SH3TC2: variants seen among roughly 807,000 people sequenced by gnomAD.
SH3TC2 encodes the protein SH3 domain and tetratricopeptide repeat-containing protein 2.
Under a neutral mutation model 124.5 loss-of-function variants are expected in SH3TC2, and 87 were observed. That is an observed-to-expected ratio of 0.70 (90% CI 0.59 to 0.84). SH3TC2 has a LOEUF of 0.84. SH3TC2 is among the 40% of genes least tolerant of loss of function. The pLI is 0.00. For missense variants in SH3TC2, 1,536 were observed against 1,566.4 expected (o/e 0.98, Z 0.33); for synonymous variants, 634 against 628.5 (o/e 1.01, Z -0.13).
chr5:149,024,531 C>T (rs1172334156), intron 12 of SH3TC2, among the ~76,000 whole-genome samples: 1 of 152,224 alleles, frequency 6.6e-6, no homozygotes, highest in Non-Finnish European at 1.5e-5. Context: ...AATAGCATAG[C>T]TAGCTGGTCC....
chr5:149,006,929 A>T lies in SH3TC2; in HGVS notation c.3627T>A (p.Tyr1209Ter), dbSNP rs1248359114. 1.2e-6 allele frequency: 2 copies of T among 1,614,042 alleles called. No individual in the cohort carries two copies. Among genetic ancestry groups the T allele is most frequent in the Non-Finnish European group, 1.7e-6 (2 of 1,180,020 alleles). ...TGCCCAGGCGATAATACACCTTGGCATAGTACAGGGCCTCCTTGGGACTCT... is the reference window on the plus strand; with the variant it reads ...TGCCCAGGCGATAATACACCTTGGCTTAGTACAGGGCCTCCTTGGGACTCT... ...WLQSPKEALY[Y>*]AKVYYRLGRL... Residue 1209 changes from tyrosine to a stop codon, truncating the protein, a stop_gained, in exon 16 of 17, where the codon TAT becomes TAA. Transcript: ENST00000515425. LOFTEE classifies it high-confidence loss of function.
chr5:149,030,810 T>G (rs1009219883), intron 9 of SH3TC2, among the ~76,000 whole-genome samples: 2 of 152,202 alleles, frequency 1.3e-5, no homozygotes, highest in Non-Finnish European at 2.9e-5. Context: ...TCACCATCAA[T>G]GAAGAGATGG....
chr5:148,983,757 G>C lies in SH3TC2; in HGVS notation c.*20954C>G. Among the ~76,000 whole-genome samples, 1 of 152,152 alleles carries C rather than the reference G, an allele frequency of 6.6e-6. No individual in the cohort carries two copies. The highest frequency in any genetic ancestry group is 1.9e-4 in the East Asian group (1 of 5,190). ...GTCACAAATGGCCATCATGTCCAGA[G>C]CTTTTGTCCAAAGTGCTAGGGAATA... On this transcript the variant is annotated 3_prime_UTR_variant, in exon 17 of 17. Transcript: ENST00000515425.
In SH3TC2 at chr5:148,982,593, T is replaced by A. The variant is rs1048848058; in HGVS notation, c.*22118A>T. ...AATGAGGATACTGTTTGTAGAGTCA[T>A]ATGAAAGATTTTCCAAGATTTACAT... On this transcript the variant is annotated 3_prime_UTR_variant, in exon 17 of 17. Transcript: ENST00000515425. Among the ~76,000 whole-genome samples the A allele has an allele frequency of 1.3e-5, 2 of 152,184 alleles. No individual in the cohort carries two copies. The highest frequency in any genetic ancestry group is 1.5e-5 in the Non-Finnish European group (1 of 68,026).
chr5:149,038,042 T>C (rs913905173), intron 8 of SH3TC2, among the ~76,000 whole-genome samples: 2 of 152,206 alleles, frequency 1.3e-5, no homozygotes, highest in African/African-American at 4.8e-5. Context: ...CCTAACAGCA[T>C]GCCCTTTGTC....
intron 12 of SH3TC2, among the ~76,000 whole-genome samples, chr5:149,017,377 T>C (rs1219546929): frequency 6.6e-6 from 1 of 152,060 alleles, no homozygotes; most frequent in African/African-American, 2.4e-5. Context: ...CTGCAAACCT[T>C]TATCAAACTA....
In SH3TC2 at chr5:149,027,356, C is replaced by T. The variant is rs760821643; in HGVS notation, c.2376G>A (p.Glu792=). 6.2e-7 allele frequency: 1 copy of T among 1,614,004 alleles called. No individual in the cohort carries two copies. The highest frequency in any genetic ancestry group is 2.2e-5 in the East Asian group (1 of 44,882). Reference sequence around the variant, plus strand: ...AGAGAGAAGACTCAAAGGATTCCTGCTCACCCAGCAGCTGCCCTAGCACCA... The same window carrying T: ...AGAGAGAAGACTCAAAGGATTCCTGTTCACCCAGCAGCTGCCCTAGCACCA... ...QALVLGQLLG[E]QESFESSLCL... The change falls in exon 11 of 17, where the codon GAG becomes GAA. Residue 792 remains glutamate, a synonymous_variant. Coordinates refer to ENST00000515425, the MANE Select transcript of SH3TC2 (RefSeq NM_024577.4).
intron 7 of SH3TC2, among the ~76,000 whole-genome samples, chr5:149,039,076 A>G (rs1754328720): frequency 6.6e-6 from 1 of 152,216 alleles, no homozygotes; most frequent in African/African-American, 2.4e-5. Flanking sequence ...CCCTCAATAA[A>G]CATTAGCCTT....
intron 9 of SH3TC2, among the ~76,000 whole-genome samples, chr5:149,029,655 G>T (rs754887488): frequency 6.6e-6 from 1 of 152,034 alleles, no homozygotes; most frequent in South Asian, 2.1e-4. Flanking sequence ...GACTGAAAAG[G>T]CACAGTCAGA....
At position 149,047,928 on chromosome 5, in the gene SH3TC2, C is replaced by T. The variant is rs1754493688; in HGVS notation, c.213G>A (p.Gln71=). 6.2e-7 allele frequency: 1 copy of T among 1,614,170 alleles called. No individual in the cohort carries two copies. Among genetic ancestry groups the T allele is most frequent in the Non-Finnish European group, 8.5e-7 (1 of 1,180,022 alleles). The change falls in exon 3 of 17, where the codon CAG becomes CAA. Residue 71 remains glutamine (Q), a synonymous_variant. Transcript: ENST00000515425. ...CCCAGAGCCGCCTCCGAGCAGCTTCCTGTAGGGGTCCATTTACACACCTCC... is the reference window on the plus strand; with the variant it reads ...CCCAGAGCCGCCTCCGAGCAGCTTCTTGTAGGGGTCCATTTACACACCTCC... The part of the protein sequence containing the change: ...RSRRCVNGPL[Q]EAARRRLWAL...
Position 149,000,302 on chromosome 5 carries a change from A to T in SH3TC2, c.*4409T>A, listed in dbSNP as rs886060173. On this transcript the variant is annotated 3_prime_UTR_variant, in exon 17 of 17. Transcript: ENST00000515425. Reference sequence around the variant, plus strand: ...CTCAGTCCTCTTCCCTGCTTACTCCATTTCTCTGAGTGTGCAAGGAAAAAG... The same window carrying T: ...CTCAGTCCTCTTCCCTGCTTACTCCTTTTCTCTGAGTGTGCAAGGAAAAAG... 2.0e-5 allele frequency among the ~76,000 whole-genome samples: 3 copies of T among 151,960 alleles called. No individual in the cohort carries two copies. The highest frequency in any genetic ancestry group is 4.4e-5 in the Non-Finnish European group (3 of 68,004).
chr5:149,031,496 C>T, intron 9 of SH3TC2, 58 bp downstream of exon 9: 2 of 1,611,072 alleles, frequency 1.2e-6, no homozygotes, highest in Non-Finnish European at 1.7e-6. Context: ...TGGTTAGGGA[C>T]ACTATCTTAT....
intron 12 of SH3TC2, among the ~76,000 whole-genome samples, chr5:149,017,003 A>T (rs965800302): frequency 6.6e-6 from 1 of 152,184 alleles, no homozygotes; most frequent in South Asian, 2.1e-4. Flanking sequence ...CAAAGAATTA[A>T]TCATTATTTT....
intron 1 of SH3TC2, among the ~76,000 whole-genome samples, chr5:149,052,724 T>C (rs1320085359): frequency 3.9e-5 from 6 of 152,232 alleles, no homozygotes; most frequent in African/African-American, 1.4e-4. Flanking sequence ...AATAGGGTCC[T>C]GTCAGGCCTG....
chr5:149,050,861 T>TA (rs1390810033), intron 2 of SH3TC2, among the ~76,000 whole-genome samples: 3 of 152,234 alleles, frequency 2.0e-5, no homozygotes, highest in African/African-American at 7.2e-5. Context: ...GGGAGAGCTA[T>TA]ATTTTTGGAG....
intron 12 of SH3TC2, among the ~76,000 whole-genome samples, chr5:149,025,289 A>T (rs992424076): frequency 2.0e-5 from 3 of 152,170 alleles, no homozygotes; most frequent in Admixed American, 1.3e-4. Flanking sequence ...AAGACAGGGA[A>T]AGAATGAGGG....
At chr5:149,052,939 T>C (rs1206022728) in intron 1 of SH3TC2, among the ~76,000 whole-genome samples, 3 of 152,226 alleles carry the variant, frequency 2.0e-5, no homozygotes, top group African/African-American at 7.2e-5. Context: ...CTGTAGAACA[T>C]GGGTCTCCTT....
chr5:149,044,590 GAAA>G lies in SH3TC2; in HGVS notation c.325_327del (p.Phe109del). ...TCCTCCATGGTCTTGAAGGTGATGA[GAAA>G]CTGGGCCCTCTGAGACTGGATACTG... is the stretch of plus-strand genomic sequence containing the variant. On this transcript the variant is annotated inframe_deletion, in exon 4 of 17. Transcript: ENST00000515425. 6.2e-7 allele frequency: 1 copy of G among 1,614,076 alleles called. No homozygotes were observed. The highest frequency in any genetic ancestry group is 8.5e-7 in the Non-Finnish European group (1 of 1,179,970).
Position 149,004,830 on chromosome 5 carries a change from G to GA in SH3TC2, c.3747dup (p.Gln1250SerfsTer5). 6.2e-7 allele frequency: 1 copy of GA among 1,614,148 alleles called. No homozygotes were observed. The highest frequency in any genetic ancestry group is 2.2e-5 in the East Asian group (1 of 44,862). The stretch of plus-strand genomic sequence containing the variant: ...TCCAGCCTGCTCCTAATGGTGTCCT[G>GA]AAGCTCCTCATCACCCAGCAGGACC... On this transcript the variant is annotated frameshift_variant, in exon 17 of 17. Coordinates refer to ENST00000515425, the MANE Select transcript of SH3TC2 (RefSeq NM_024577.4). LOFTEE classifies it high-confidence loss of function.
Sources: gnomAD v4.1 joint callset for allele counts (sites outside exome capture counted in the v4.1 genomes callset) on GRCh38, gnomAD v4.1.1 for gene constraint, MANE v1.5 for transcripts, NCBI Gene and HGNC (gene_info 2026-07-23, HGNC 2026-07-21) for gene names.